The following PDE4C variants were observed in gnomAD, a reference collection of about 807,000 sequenced individuals.
PDE4C encodes the protein 3',5'-cyclic-AMP phosphodiesterase 4C.
In PDE4C, 50 loss-of-function variants were observed where a neutral mutation model predicts 63.9. The observed-to-expected ratio is 0.78, with a 90% CI of 0.62 to 0.99. The LOEUF (loss-of-function observed/expected upper bound fraction) is 0.99, where lower values mean the gene tolerates loss of function less well. Ranked by LOEUF, PDE4C falls within the 50% of genes least tolerant of loss-of-function variation. The pLI, the probability that PDE4C is intolerant of heterozygous loss-of-function variation, is 0.00. For missense variants in PDE4C, 777 were observed against 899.1 expected (o/e 0.86, Z 1.74); for synonymous variants, 377 against 385.1 (o/e 0.98, Z 0.25).
upstream of PDE4C, chr19:18,226,588 G>T: frequency 2.6e-6 from 1 of 381,390 alleles, no homozygotes; most frequent in Non-Finnish European, 4.6e-6. Context: ...CACAGAGTCA[G>T]ACGCAACTCT....
upstream of PDE4C, chr19:18,248,344 A>G: frequency 2.6e-6 from 1 of 378,036 alleles, no homozygotes; most frequent in Middle Eastern, 7.0e-4. Context: ...TCCTTGGGTG[A>G]GGCTCCCAGT....
Position 18,217,612 on chromosome 19 carries a change from A to G in PDE4C, c.1234+537T>C, listed in dbSNP as rs559880522. Among the ~76,000 whole-genome samples the G allele has an allele frequency of 4.6e-5, 7 of 152,208 alleles. No homozygotes were observed. In the East Asian group the frequency reaches 1.4e-3, roughly 29 times the overall value. On this transcript the variant is annotated intron_variant, in intron 11 of 14. Transcript: ENST00000262805. ...TCCTAAACTTTAAGATCTTGGTGGA[A>G]CTGTCTGGGCGCGGTGGCTCGTGCC...
exon 9 of PDE4C, chr19:18,219,038 C>T: frequency 4.3e-6 from 7 of 1,612,036 alleles, no homozygotes; most frequent in Non-Finnish European, 5.9e-6. Context: ...TCTTCTAGCT[C>T]CTAAGATATG....
intron 12 of PDE4C, among the ~76,000 whole-genome samples, chr19:18,214,857 G>A (rs1968119978): frequency 6.6e-6 from 1 of 151,106 alleles, no homozygotes; most frequent in Non-Finnish European, 1.5e-5. Flanking sequence ...GCTGAGGCAG[G>A]AGAATCACTT....
At chr19:18,215,633 G>C (rs12978355) in intron 12 of PDE4C, among the ~76,000 whole-genome samples, 1 of 151,682 alleles carries the variant, frequency 6.6e-6, no homozygotes, top group Non-Finnish European at 1.5e-5. Context: ...TCCTGACTCA[G>C]CCTCCCGAGT....
intron 1 of PDE4C, among the ~76,000 whole-genome samples, chr19:18,247,698 T>G (rs751784679): frequency 6.6e-6 from 1 of 152,100 alleles, no homozygotes; most frequent in Non-Finnish European, 1.5e-5. Context: ...GAGAGTGTTG[T>G]CCTGCTGTGC....
chr19:18,229,429 C>T (rs570611404), upstream of PDE4C, among the ~76,000 whole-genome samples: 6 of 152,182 alleles, frequency 3.9e-5, no homozygotes, highest in Non-Finnish European at 7.4e-5. Flanking sequence ...TTAGTAGAGA[C>T]GGGGTTTCAC....
upstream of PDE4C, chr19:18,250,419 C>T (rs368450863): frequency 2.4e-4 from 97 of 399,132 alleles, no homozygotes; most frequent in African/African-American, 1.9e-3. Context: ...AAACACACGA[C>T]CACCACCACA....
At chr19:18,252,194 C>G (rs1969238353), upstream of PDE4C, 1 of 398,936 alleles carries the variant, frequency 2.5e-6, no homozygotes, top group South Asian at 1.3e-4. Flanking sequence ...AGGGGGTGAG[C>G]TCTGCACTGG....
upstream of PDE4C, among the ~76,000 whole-genome samples, chr19:18,252,727 C>T (rs113603844): frequency 0.073 from 11,084 of 152,056 alleles, 1,366 homozygotes; most frequent in African/African-American, 0.25. Context: ...AAGCAATTCT[C>T]CTGCCTCAGC....
chr19:18,225,013 C>T (rs1968665190), intron 1 of PDE4C, among the ~76,000 whole-genome samples: 1 of 152,250 alleles, frequency 6.6e-6, no homozygotes, highest in South Asian at 2.1e-4. Flanking sequence ...GGAGCGGCCA[C>T]AGGGCGTGCA....
chr19:18,218,148 C>G lies in PDE4C; in HGVS notation c.1234+1G>C. 1 of 1,610,880 alleles carries G rather than the reference C, an allele frequency of 6.2e-7. No homozygotes were observed. Among genetic ancestry groups the G allele is most frequent in the Non-Finnish European group, 8.5e-7 (1 of 1,177,108 alleles). ...TGCACCCACTTCCCACTCCTACTTA[C>G]TGGTGTTAATCAGAAACTGGTTGGA... On this transcript the variant is annotated splice_donor_variant, in intron 11 of 14. Coordinates refer to ENST00000262805, the Ensembl canonical transcript of PDE4C. LOFTEE classifies it high-confidence loss of function.
At chr19:18,221,690 T>C (rs747857955) in intron 2 of PDE4C, among the ~76,000 whole-genome samples, 4 of 152,154 alleles carry the variant, frequency 2.6e-5, no homozygotes, top group Non-Finnish European at 4.4e-5. Context: ...AGTGGTGCCA[T>C]CTCGGCTCAC....
intron 7 of PDE4C, 115 bp from the exon 8 acceptor site, chr19:18,219,512 C>T (rs1968366599): frequency 8.1e-7 from 1 of 1,230,170 alleles, no homozygotes; most frequent in African/African-American, 1.5e-5. Flanking sequence ...TCTACAGGAA[C>T]CAAAGTAAGT....
upstream of PDE4C, among the ~76,000 whole-genome samples, chr19:18,249,677 G>A (rs1444487071): frequency 4.0e-5 from 6 of 148,560 alleles, no homozygotes; most frequent in African/African-American, 5.0e-5. Context: ...TGGTTCAAGC[G>A]ATTCTCTGCC....
upstream of PDE4C, chr19:18,252,166 G>A (rs1969238127): frequency 2.5e-6 from 1 of 399,244 alleles, no homozygotes; most frequent in Non-Finnish European, 4.4e-6. Flanking sequence ...TCGGAACTGG[G>A]GAGGGTGGAA....
chr19:18,211,700 T>C (rs1967947082), intron 14 of PDE4C, 59 bp downstream of exon 14: 2 of 1,587,790 alleles, frequency 1.3e-6, no homozygotes, highest in Non-Finnish European at 8.6e-7. Context: ...TGGGGTTGGC[T>C]CAGCCCCTCC....
chr19:18,242,785 CAAA>C (rs11381255), intron 1 of PDE4C, among the ~76,000 whole-genome samples: 8 of 109,394 alleles, frequency 7.3e-5, no homozygotes, highest in Admixed American at 1.0e-4. Flanking sequence ...ACTTTCACCT[CAAA>C]AAAAAAAAAA....
At chr19:18,218,552 G>T in intron 9 of PDE4C, 54 bp from the exon 10 acceptor site, 1 of 1,592,806 alleles carries the variant, frequency 6.3e-7, no homozygotes, top group South Asian at 1.1e-5. Context: ...TGCAGCACAC[G>T]CTGTTCCTAC....
Sources: allele counts gnomAD v4.1 joint callset (sites outside exome capture counted in the v4.1 genomes callset), GRCh38; gene constraint gnomAD v4.1.1; transcripts MANE v1.5; gene names NCBI Gene and HGNC (gene_info 2026-07-23, HGNC 2026-07-21).